PCBP3: variants seen among roughly 807,000 people sequenced by gnomAD.
The protein encoded by PCBP3 is poly(rC)-binding protein 3.
A neutral mutation model predicts 52.7 loss-of-function variants in PCBP3; 25 were observed. The observed-to-expected ratio is 0.47, with a 90% CI of 0.35 to 0.66. The LOEUF (loss-of-function observed/expected upper bound fraction) is 0.66. PCBP3 is among the 30% of genes least tolerant of loss of function. The pLI, the probability that PCBP3 is intolerant of heterozygous loss-of-function variation, is 0.01. For missense variants in PCBP3, 391 were observed against 490.3 expected (o/e 0.80, Z 1.91); for synonymous variants, 162 against 183.0 (o/e 0.89, Z 0.93).
intron 5 of PCBP3, among the ~76,000 whole-genome samples, chr21:45,879,389 G>T (rs546344514): frequency 6.6e-6 from 1 of 152,190 alleles, no homozygotes; most frequent in East Asian, 1.9e-4. Flanking sequence ...GAAGTGACAG[G>T]GCACAGCGTC....
chr21:45,653,037 G>T (rs769095436), intron 1 of PCBP3, among the ~76,000 whole-genome samples: 1 of 152,164 alleles, frequency 6.6e-6, no homozygotes, highest in African/African-American at 2.4e-5. Flanking sequence ...TTAGAAGAAC[G>T]TTTAAACATT....
intron 16 of PCBP3, among the ~76,000 whole-genome samples, chr21:45,938,428 G>A (rs769031897): frequency 3.4e-4 from 52 of 152,226 alleles, no homozygotes; most frequent in Non-Finnish European, 7.2e-4. Context: ...CCCCATGCGG[G>A]CCGTGCTGCT....
intron 1 of PCBP3, among the ~76,000 whole-genome samples, chr21:45,653,430 A>C (rs1374543340): frequency 6.6e-6 from 1 of 151,992 alleles, no homozygotes; most frequent in Non-Finnish European, 1.5e-5. Context: ...CAGATTTAAA[A>C]CTATTAGGTC....
chr21:45,795,122 A>G (rs953604229), intron 4 of PCBP3, among the ~76,000 whole-genome samples: 19 of 152,206 alleles, frequency 1.2e-4, no homozygotes, highest in Admixed American at 5.2e-4. Context: ...GTACATAATT[A>G]CATAGCTGTG....
chr21:45,738,803 T>C (rs1283454434), intron 3 of PCBP3, among the ~76,000 whole-genome samples: 9 of 124,014 alleles, frequency 7.3e-5, no homozygotes, highest in East Asian at 2.8e-4. Flanking sequence ...TTCTTGTCCA[T>C]GGTCCTCTGG....
At chr21:45,699,498 C>G (rs542934244) in intron 2 of PCBP3, among the ~76,000 whole-genome samples, 1 of 152,334 alleles carries the variant, frequency 6.6e-6, no homozygotes, top group South Asian at 2.1e-4. Context: ...GTAAGAGAGT[C>G]CAGAGTCACA....
chr21:45,725,970 A>G (rs2085006096), intron 2 of PCBP3, among the ~76,000 whole-genome samples: 1 of 152,164 alleles, frequency 6.6e-6, no homozygotes, highest in Admixed American at 6.5e-5. Context: ...GGCAGTGGAC[A>G]GCATGGCCCC....
chr21:45,900,058 T>C lies in PCBP3; in HGVS notation c.189+436T>C, dbSNP rs141085318. On this transcript the variant is annotated intron_variant, in intron 7 of 17. Transcript: ENST00000681687. ...GGAAGTAAGGCCCAGTTTGGAAGCC[T>C]GCTGCCCCGGGAGGCCGAGCAGTGA... 4.1e-3 allele frequency among the ~76,000 whole-genome samples: 628 copies of C among 152,322 alleles called. 5 individuals carry two copies. The highest frequency in any genetic ancestry group is 0.015 in the African/African-American group (611 of 41,582).
At chr21:45,766,638 AGCAGCCTGCAGTTG>A (rs1316183465) in intron 4 of PCBP3, among the ~76,000 whole-genome samples, 1 of 152,188 alleles carries the variant, frequency 6.6e-6, no homozygotes, top group African/African-American at 2.4e-5. Flanking sequence ...CTTTTGGGAA[AGCAGCCTGCAGTTG>A]GCCTGTGTGA....
At position 45,805,652 on chromosome 21, in the gene PCBP3, C is replaced by T. The variant is rs2092469252; in HGVS notation, c.-125-44309C>T. 6.6e-6 allele frequency among the ~76,000 whole-genome samples: 1 copy of T among 152,164 alleles called. No homozygotes were observed. Among genetic ancestry groups the T allele is most frequent in the Non-Finnish European group, 1.5e-5 (1 of 68,030 alleles). ...TCAACAGTTGGGGCAAGCACATTTT[C>T]ACAGGGAGAGTGTGACTGGAAGGAC... On this transcript the variant is annotated intron_variant, in intron 4 of 17. Transcript: ENST00000681687. The surrounding 1 kb of genome is among the most constrained non-coding windows in gnomAD (Gnocchi z 4.6).
chr21:45,770,527 T>C (rs1163110070), intron 4 of PCBP3, among the ~76,000 whole-genome samples: 1 of 152,204 alleles, frequency 6.6e-6, no homozygotes, highest in South Asian at 2.1e-4. Flanking sequence ...ATGGCTTCTG[T>C]GTTTCTTTCT....
At chr21:45,893,951 TG>T (rs2148979042) in intron 5 of PCBP3, 2 of 985,400 alleles carry the variant, frequency 2.0e-6, no homozygotes, top group Non-Finnish European at 2.4e-6. Flanking sequence ...CAGTGTTAGC[TG>T]GGAAGGACAG....
At chr21:45,681,305 A>G (rs2081831695) in intron 2 of PCBP3, among the ~76,000 whole-genome samples, 2 of 152,240 alleles carry the variant, frequency 1.3e-5, no homozygotes, top group African/African-American at 2.4e-5. Flanking sequence ...ACATTGAGCA[A>G]TAGGATTACT....
intron 5 of PCBP3, chr21:45,871,662 C>T (rs1603460186): frequency 6.6e-6 from 1 of 152,308 alleles, no homozygotes; most frequent in East Asian, 1.9e-4. Context: ...GCAGAACCAG[C>T]TGAAAAGAGG....
chr21:45,811,254 G>A (rs927334076), intron 4 of PCBP3, among the ~76,000 whole-genome samples: 3 of 152,224 alleles, frequency 2.0e-5, no homozygotes, highest in Non-Finnish European at 4.4e-5. Flanking sequence ...CTGCTGATGA[G>A]AGCCCCGACA....
At chr21:45,648,808 T>C (rs2079494251) in intron 1 of PCBP3, among the ~76,000 whole-genome samples, 1 of 152,248 alleles carries the variant, frequency 6.6e-6, no homozygotes, top group Non-Finnish European at 1.5e-5. Flanking sequence ...TGTATTCTTA[T>C]ATTGTTTGTC....
intron 7 of PCBP3, among the ~76,000 whole-genome samples, chr21:45,899,901 C>T (rs1037490868): frequency 8.5e-5 from 13 of 152,304 alleles, no homozygotes; most frequent in Non-Finnish European, 1.2e-4. Flanking sequence ...CCTTCTTTCC[C>T]GGTTGAAGAC....
At chr21:45,782,102 A>C (rs992216775) in intron 4 of PCBP3, among the ~76,000 whole-genome samples, 2 of 152,128 alleles carry the variant, frequency 1.3e-5, no homozygotes, top group Non-Finnish European at 2.9e-5. Flanking sequence ...GCAAGATAAC[A>C]TTGTCCATAG....
intron 2 of PCBP3, among the ~76,000 whole-genome samples, chr21:45,702,634 A>G (rs8133338): frequency 0.16 from 24,559 of 152,204 alleles, 2,229 homozygotes; most frequent in African/African-American, 0.25. Flanking sequence ...GTGAGTCATC[A>G]TCTTCTCACT....
Sources: allele counts gnomAD v4.1 joint callset (sites outside exome capture counted in the v4.1 genomes callset), GRCh38; gene constraint gnomAD v4.1.1; non-coding constraint Gnocchi (gnomAD v3.1); transcripts MANE v1.5; gene names NCBI Gene and HGNC (gene_info 2026-07-23, HGNC 2026-07-21).